The following SUCLG2 variants were observed in gnomAD, a reference collection of about 807,000 sequenced individuals.
SUCLG2 encodes the protein succinate--CoA ligase [GDP-forming] subunit beta, mitochondrial.
A neutral mutation model predicts 47.9 loss-of-function variants in SUCLG2; 42 were observed. The ratio of observed to expected loss-of-function variants is 0.88; its 90% CI spans 0.69 to 1.14. The LOEUF (loss-of-function observed/expected upper bound fraction) is 1.14. SUCLG2 is among the 50% of genes most tolerant of loss of function. SUCLG2 has a pLI of 0.00. For missense variants in SUCLG2, 571 were observed against 525.9 expected (o/e 1.09, Z -0.84); for synonymous variants, 195 against 197.3 (o/e 0.99, Z 0.10).
At chr3:67,435,611 C>T (rs1334356360) in intron 9 of SUCLG2, among the ~76,000 whole-genome samples, 1 of 152,050 alleles carries the variant, frequency 6.6e-6, no homozygotes, top group African/African-American at 2.4e-5. Flanking sequence ...TTATCTAAGC[C>T]CAATGTTATG....
chr3:67,499,317 GT>G (rs1474318163), intron 7 of SUCLG2, among the ~76,000 whole-genome samples: 1 of 152,052 alleles, frequency 6.6e-6, no homozygotes, highest in African/African-American at 2.4e-5. Flanking sequence ...CTGGGCCTTG[GT>G]TTTTTAATTG....
chr3:67,540,896 C>G (rs1433606673), intron 2 of SUCLG2, among the ~76,000 whole-genome samples: 1 of 152,214 alleles, frequency 6.6e-6, no homozygotes, highest in Non-Finnish European at 1.5e-5. Flanking sequence ...TAGTGATACT[C>G]AGGCAAACAG....
intron 10 of SUCLG2, among the ~76,000 whole-genome samples, chr3:67,381,450 A>C (rs137931442): frequency 1.8e-4 from 27 of 152,338 alleles, no homozygotes; most frequent in African/African-American, 6.0e-4. Context: ...TAGCTGCTTT[A>C]AACTCTGACA....
chr3:67,520,307 C>T (rs1409033227), intron 5 of SUCLG2, among the ~76,000 whole-genome samples, 175 bp downstream of exon 5: 9 of 152,140 alleles, frequency 5.9e-5, no homozygotes, highest in Admixed American at 5.9e-4. Flanking sequence ...CACTGAATAC[C>T]TTGATTCCAC....
chr3:67,637,693 G>A (rs768205510), intron 1 of SUCLG2, among the ~76,000 whole-genome samples: 1 of 152,210 alleles, frequency 6.6e-6, no homozygotes, highest in Non-Finnish European at 1.5e-5. Flanking sequence ...GATAATGGTG[G>A]TTGACGTTTC....
chr3:67,395,979 C>G (rs1216731027), intron 10 of SUCLG2, among the ~76,000 whole-genome samples: 1 of 151,968 alleles, frequency 6.6e-6, no homozygotes, highest in Non-Finnish European at 1.5e-5. Flanking sequence ...CCAACGAGAA[C>G]AAAGACACAA....
At chr3:67,392,002 G>A (rs534297015) in intron 10 of SUCLG2, among the ~76,000 whole-genome samples, 1 of 152,236 alleles carries the variant, frequency 6.6e-6, no homozygotes, top group South Asian at 2.1e-4. Flanking sequence ...GCTCTTGGAG[G>A]AGGGTCTGAT....
intron 9 of SUCLG2, among the ~76,000 whole-genome samples, chr3:67,473,799 C>G (rs1575720308): frequency 6.6e-6 from 1 of 152,202 alleles, no homozygotes; most frequent in South Asian, 2.1e-4. Context: ...ATTAAAACCA[C>G]TTGCTTTAAG....
At chr3:67,411,422 T>C (rs957459147) in intron 9 of SUCLG2, among the ~76,000 whole-genome samples, 10 of 152,142 alleles carry the variant, frequency 6.6e-5, no homozygotes, top group African/African-American at 2.4e-4. Flanking sequence ...ATAAACCTAT[T>C]TGATCATTTA....
At chr3:67,422,472 T>TAAAAAAAAAAAAAAAAAAAAAAAAAAAA (rs1559520249) in intron 9 of SUCLG2, among the ~76,000 whole-genome samples, 1 of 12,324 alleles carries the variant, frequency 8.1e-5, no homozygotes, top group African/African-American at 3.7e-4. Context: ...AGACTCCATC[T>TAAAAAAAAAAAAAAAAAAAAAAAAAAAA]CAAAAAAAAA....
chr3:67,545,818 G>C (rs549182189), intron 2 of SUCLG2, among the ~76,000 whole-genome samples: 51 of 151,796 alleles, frequency 3.4e-4, no homozygotes, highest in African/African-American at 1.2e-3. Flanking sequence ...TTGCATGTTT[G>C]ACTATATCTC....
At chr3:67,393,584 T>G (rs376609443) in intron 10 of SUCLG2, among the ~76,000 whole-genome samples, 1 of 152,178 alleles carries the variant, frequency 6.6e-6, no homozygotes, top group Non-Finnish European at 1.5e-5. Flanking sequence ...GGCTCCACCT[T>G]TGGGGGCAGG....
chr3:67,364,433 C>T (rs1027047015), intron 10 of SUCLG2, among the ~76,000 whole-genome samples: 36 of 152,062 alleles, frequency 2.4e-4, no homozygotes, highest in African/African-American at 7.7e-4. Flanking sequence ...TTCCACCCCC[C>T]CCACCCCCAA....
chr3:67,561,438 C>T (rs57303951), intron 2 of SUCLG2, among the ~76,000 whole-genome samples: 1,602 of 152,124 alleles, frequency 0.011, 21 homozygotes, highest in East Asian at 0.051. Flanking sequence ...CTTAAAGTTC[C>T]CAACAACTAT....
chr3:67,490,324 G>T (rs1281530943), intron 9 of SUCLG2, among the ~76,000 whole-genome samples: 1 of 152,122 alleles, frequency 6.6e-6, no homozygotes, highest in Non-Finnish European at 1.5e-5. Context: ...TAAGGCATTT[G>T]CATATACCTG....
At chr3:67,394,175 T>C in intron 10 of SUCLG2, among the ~76,000 whole-genome samples, 1 of 152,190 alleles carries the variant, frequency 6.6e-6, no homozygotes, top group East Asian at 1.9e-4. Flanking sequence ...GGACGGAGAA[T>C]GACTTTGACG....
At chr3:67,643,864 A>T (rs1218042833) in intron 1 of SUCLG2, among the ~76,000 whole-genome samples, 3 of 152,162 alleles carry the variant, frequency 2.0e-5, no homozygotes, top group Non-Finnish European at 4.4e-5. Context: ...TTTAGTAGAG[A>T]TGGAGTTTCA....
intron 1 of SUCLG2, among the ~76,000 whole-genome samples, chr3:67,636,788 G>C (rs1040106406): frequency 6.6e-6 from 1 of 151,482 alleles, no homozygotes; most frequent in Admixed American, 6.6e-5. Context: ...GAGCCACCAT[G>C]CCTGGCTGGC....
At chr3:67,537,847 G>C (rs1021597007) in intron 2 of SUCLG2, among the ~76,000 whole-genome samples, 7 of 151,990 alleles carry the variant, frequency 4.6e-5, no homozygotes, top group South Asian at 4.1e-4. Flanking sequence ...TTTCATGTTT[G>C]TTGGCCACAT....
Sources: gnomAD v4.1 joint callset for allele counts (sites outside exome capture counted in the v4.1 genomes callset) on GRCh38, gnomAD v4.1.1 for gene constraint, MANE v1.5 for transcripts, NCBI Gene and HGNC (gene_info 2026-07-23, HGNC 2026-07-21) for gene names.